The following GLRA2 variants were observed in gnomAD, a reference collection of about 807,000 sequenced individuals.
GLRA2 encodes glycine receptor alpha 2.
In GLRA2, 11 loss-of-function variants were observed where a neutral mutation model predicts 31.6. That is an observed-to-expected ratio of 0.35 (90% CI 0.22 to 0.58). GLRA2 has a LOEUF of 0.58. GLRA2 is among the 20% of genes least tolerant of loss of function. The pLI is 0.84. For synonymous variants in GLRA2, 132 were observed against 134.0 expected (o/e 0.99, Z 0.10); for missense variants, 212 against 351.8 (o/e 0.60, Z 3.18).
chrX:14,581,806 A>ACACACACAC (rs2090020083), intron 4 of GLRA2, among the ~76,000 whole-genome samples: 1 of 105,579 alleles, frequency 9.5e-6, no homozygotes, highest in African/African-American at 3.6e-5. Flanking sequence ...ACACACACAC[A>ACACACACAC]AATTCAATAG....
At chrX:14,672,951 G>A (rs746155572) in intron 7 of GLRA2, among the ~76,000 whole-genome samples, 2 of 111,461 alleles carry the variant, frequency 1.8e-5, no homozygotes, top group African/African-American at 3.3e-5. Flanking sequence ...GGCTCCTATC[G>A]AGACATCCTT....
At chrX:14,531,981 G>A (rs1396347158) in intron 1 of GLRA2, among the ~76,000 whole-genome samples, 1 of 111,404 alleles carries the variant, frequency 9.0e-6, no homozygotes, top group Non-Finnish European at 1.9e-5. Context: ...TAAATACATT[G>A]TCTGTTCTCA....
intron 8 of GLRA2, among the ~76,000 whole-genome samples, chrX:14,691,642 G>C (rs1018701234): frequency 9.0e-6 from 1 of 111,418 alleles, no homozygotes; most frequent in African/African-American, 3.3e-5. Flanking sequence ...AATGTTAGGA[G>C]GGGCACCAGC....
At chrX:14,450,824 C>T in the GLRA2 span, among the ~76,000 whole-genome samples, 16 of 111,645 alleles carry the variant, frequency 1.4e-4, no homozygotes, top group Non-Finnish European at 2.4e-4. Context: ...TCCCACCTCA[C>T]CTCAGCCACC....
chrX:14,711,687 TAAGG>T (rs1170635488), intron 8 of GLRA2, among the ~76,000 whole-genome samples: 13 of 112,087 alleles, frequency 1.2e-4, no homozygotes, highest in Middle Eastern at 4.6e-3. Flanking sequence ...AAAAACCCTC[TAAGG>T]AAGGAGATAT....
chrX:14,508,451 G>C, the GLRA2 span, among the ~76,000 whole-genome samples: 1 of 112,195 alleles, frequency 8.9e-6, no homozygotes, highest in African/African-American at 3.2e-5. Context: ...TTGAGGACAA[G>C]AGTGGCATTT....
chrX:14,500,038 C>T, the GLRA2 span, among the ~76,000 whole-genome samples: 1 of 111,608 alleles, frequency 9.0e-6, no homozygotes, highest in Non-Finnish European at 1.9e-5. Context: ...CTTTGCTGTG[C>T]AGAAGCTTTA....
At chrX:14,610,312 T>G (rs2090384288) in intron 7 of GLRA2, among the ~76,000 whole-genome samples, 1 of 112,014 alleles carries the variant, frequency 8.9e-6, no homozygotes, top group Non-Finnish European at 1.9e-5. Context: ...AGGAGGTCTG[T>G]GGTTATAATA....
chrX:14,579,165 T>C (rs958276865), intron 3 of GLRA2, among the ~76,000 whole-genome samples: 8 of 112,128 alleles, frequency 7.1e-5, no homozygotes, highest in Non-Finnish European at 1.3e-4. Context: ...CAGCCCCTTA[T>C]TAGAATGCAT....
In GLRA2 at chrX:14,730,299, C is replaced by T; in HGVS notation, c.1173C>T (p.Ala391=). 1 of 1,208,705 alleles carries T rather than the reference C, an allele frequency of 8.3e-7. No individual in the cohort carries two copies. The highest frequency in any genetic ancestry group is 1.1e-6 in the Non-Finnish European group (1 of 893,173). ...TGAAAGATGGAACAGCTGTCAAGGCCACACCTGCCAACCCACTCCCACAAC... is the reference window on the plus strand; with the variant it reads ...TGAAAGATGGAACAGCTGTCAAGGCTACACCTGCCAACCCACTCCCACAAC... ...LQVKDGTAVK[A]TPANPLPQPP... Residue 391 remains alanine (A), a synonymous_variant, in exon 9 of 9, where the codon GCC becomes GCT. Coordinates refer to ENST00000218075, the MANE Select transcript of GLRA2 (RefSeq NM_002063.4).
chrX:14,607,672 T>C (rs1435105501), intron 6 of GLRA2, among the ~76,000 whole-genome samples: 1 of 111,514 alleles, frequency 9.0e-6, no homozygotes, highest in East Asian at 2.8e-4. Flanking sequence ...CTTACTGCCT[T>C]AGTGCCTTAG....
chrX:14,472,342 A>G, the GLRA2 span, among the ~76,000 whole-genome samples: 1 of 112,001 alleles, frequency 8.9e-6, no homozygotes, highest in Non-Finnish European at 1.9e-5. Flanking sequence ...ACCTTTGACA[A>G]TCTCATATGG....
At chrX:14,506,614 A>G in the GLRA2 span, among the ~76,000 whole-genome samples, 9 of 111,224 alleles carry the variant, frequency 8.1e-5, no homozygotes, top group Admixed American at 7.6e-4. Flanking sequence ...TGCTGTACAC[A>G]CCTCTAAGAC....
At chrX:14,711,640 T>C (rs1015954072) in intron 8 of GLRA2, among the ~76,000 whole-genome samples, 1 of 112,481 alleles carries the variant, frequency 8.9e-6, no homozygotes, top group Non-Finnish European at 1.9e-5. Flanking sequence ...ATACCAGGCA[T>C]GTAAACTTTT....
chrX:14,642,047 T>C (rs1458541984), intron 7 of GLRA2, among the ~76,000 whole-genome samples: 1 of 112,027 alleles, frequency 8.9e-6, no homozygotes, highest in East Asian at 2.8e-4. Context: ...AGGAGCACTT[T>C]AATAAAATAG....
At chrX:14,675,292 C>A (rs962041163) in intron 7 of GLRA2, among the ~76,000 whole-genome samples, 7 of 111,623 alleles carry the variant, frequency 6.3e-5, no homozygotes, top group African/African-American at 2.3e-4. Context: ...CAGTTTTACT[C>A]TTCTTGTACC....
chrX:14,496,192 T>C, the GLRA2 span, among the ~76,000 whole-genome samples: 1 of 111,507 alleles, frequency 9.0e-6, no homozygotes, highest in African/African-American at 3.3e-5. Context: ...GAGCCCAGAA[T>C]TCCATATTGA....
chrX:14,610,034 G>C (rs1446799603), intron 7 of GLRA2, among the ~76,000 whole-genome samples: 1 of 112,213 alleles, frequency 8.9e-6, no homozygotes, highest in Non-Finnish European at 1.9e-5. Flanking sequence ...CCAGAAGTGT[G>C]CCTTTGTGTG....
chrX:14,451,242 T>C, the GLRA2 span, among the ~76,000 whole-genome samples: 23 of 111,199 alleles, frequency 2.1e-4, no homozygotes, highest in African/African-American at 6.9e-4. Flanking sequence ...CAATCATGAC[T>C]ATAAAGCAAC....
Sources: gnomAD v4.1 joint callset for allele counts (sites outside exome capture counted in the v4.1 genomes callset) on GRCh38, gnomAD v4.1.1 for gene constraint, MANE v1.5 for transcripts, NCBI Gene and HGNC (gene_info 2026-07-23, HGNC 2026-07-21) for gene names.